The following GHR variants were observed in gnomAD, a reference collection of about 807,000 sequenced individuals.
GHR encodes the protein GH receptor.
In GHR, 35 loss-of-function variants were observed where a neutral mutation model predicts 67.1. The observed-to-expected ratio is 0.52, with a 90% CI of 0.40 to 0.69. The LOEUF (loss-of-function observed/expected upper bound fraction) is 0.69, where lower values mean the gene tolerates loss of function less well. GHR is among the 30% of genes least tolerant of loss of function. GHR has a pLI of 0.00. For missense variants in GHR, 792 were observed against 764.6 expected, an observed-to-expected ratio of 1.04 and a Z score of -0.42; for synonymous variants, 272 against 269.1, an observed-to-expected ratio of 1.01 and a Z score of -0.10.
At chr5:42,523,221 A>G (rs992103568) in intron 1 of GHR, among the ~76,000 whole-genome samples, 45 of 152,234 alleles carry the variant, frequency 3.0e-4, no homozygotes, top group African/African-American at 1.1e-3. Flanking sequence ...ATTAGAAACA[A>G]TATCTAAGGA....
At chr5:42,620,180 T>C (rs1308815560) in intron 2 of GHR, among the ~76,000 whole-genome samples, 3 of 152,180 alleles carry the variant, frequency 2.0e-5, no homozygotes, top group Admixed American at 6.5e-5. Context: ...AAAGGACACT[T>C]GTTATAGGAT....
chr5:42,572,088 C>T (rs1300660556), intron 2 of GHR, among the ~76,000 whole-genome samples: 2 of 152,198 alleles, frequency 1.3e-5, no homozygotes, highest in African/African-American at 4.8e-5. Flanking sequence ...AAGAATTTGC[C>T]ATTGATGATT....
intron 1 of GHR, among the ~76,000 whole-genome samples, chr5:42,513,148 C>A (rs1231598561): frequency 6.6e-6 from 1 of 152,126 alleles, no homozygotes; most frequent in African/African-American, 2.4e-5. Context: ...GTTGATTGAG[C>A]AAAATTTAGA....
chr5:42,662,615 G>C (rs1755709307), intron 3 of GHR, among the ~76,000 whole-genome samples: 1 of 152,092 alleles, frequency 6.6e-6, no homozygotes, highest in Non-Finnish European at 1.5e-5. Context: ...AGTGTGTAGA[G>C]GGAAATTTAT....
intron 2 of GHR, among the ~76,000 whole-genome samples, chr5:42,625,505 T>C (rs565704027): frequency 1.3e-5 from 2 of 152,188 alleles, no homozygotes; most frequent in Admixed American, 1.3e-4. Context: ...GCCTGTGACA[T>C]AGCCCTCAGG....
At chr5:42,559,389 A>G (rs1338040688) in intron 1 of GHR, among the ~76,000 whole-genome samples, 1 of 152,130 alleles carries the variant, frequency 6.6e-6, no homozygotes, top group Admixed American at 6.5e-5. Flanking sequence ...ATAAACAAAT[A>G]AATAAAAATA....
intron 2 of GHR, among the ~76,000 whole-genome samples, chr5:42,624,756 G>A (rs1580077920): frequency 6.6e-6 from 1 of 152,110 alleles, no homozygotes; most frequent in Non-Finnish European, 1.5e-5. Context: ...TTGACCAAAG[G>A]TCCTCTTTTA....
At chr5:42,584,851 G>A (rs529764502) in intron 2 of GHR, among the ~76,000 whole-genome samples, 15 of 152,008 alleles carry the variant, frequency 9.9e-5, no homozygotes, top group Middle Eastern at 3.4e-3. Flanking sequence ...TCTCTTTGAT[G>A]GTAGAAAATA....
chr5:42,702,157 C>G (rs1457149599), intron 6 of GHR, among the ~76,000 whole-genome samples: 2 of 152,066 alleles, frequency 1.3e-5, no homozygotes, highest in Non-Finnish European at 2.9e-5. Flanking sequence ...TAAACTCATT[C>G]CTACTAACTG....
At chr5:42,599,532 TG>T (rs1394438690) in intron 2 of GHR, among the ~76,000 whole-genome samples, 8 of 152,028 alleles carry the variant, frequency 5.3e-5, no homozygotes, top group South Asian at 2.1e-4. Context: ...GGCTAATTTT[TG>T]TATTTTTAGT....
intron 2 of GHR, among the ~76,000 whole-genome samples, chr5:42,615,755 CAT>C (rs1365090365): frequency 4.9e-5 from 7 of 142,834 alleles, no homozygotes; most frequent in African/African-American, 1.3e-4. Context: ...AAAAAAAAAA[CAT>C]AGAATTAATT....
chr5:42,599,991 G>A (rs573793396), intron 2 of GHR, among the ~76,000 whole-genome samples: 26 of 152,236 alleles, frequency 1.7e-4, no homozygotes, highest in African/African-American at 4.6e-4. Context: ...TCACCAAACC[G>A]TCACAAGGAA....
In GHR at chr5:42,719,554, C is replaced by G; in HGVS notation, c.*130C>G. On this transcript the variant is annotated 3_prime_UTR_variant, in exon 10 of 10. Coordinates refer to ENST00000230882, the MANE Select transcript of GHR (RefSeq NM_000163.5). Reference sequence around the variant, plus strand: ...AGGATGGGGTATGGATTCTAAAATGCCTTTTCCCAAAATGTTGAAATATGA... The same window carrying G: ...AGGATGGGGTATGGATTCTAAAATGGCTTTTCCCAAAATGTTGAAATATGA... The G allele has an allele frequency of 1.2e-6, 1 of 848,174 alleles. No individual in the cohort carries two copies. The highest frequency in any genetic ancestry group is 1.4e-5 in the South Asian group (1 of 73,808). 52.5% of individuals were successfully genotyped at this position (848,174 alleles called of 1,614,324 possible). A position where few individuals can be genotyped will look rare whatever the true frequency, so the allele number is the denominator to read the frequency against.
Position 42,594,029 on chromosome 5 carries a change from A to G in GHR, c.70+28085A>G, listed in dbSNP as rs150628074. On this transcript the variant is annotated intron_variant, in intron 2 of 9. Transcript: ENST00000230882. ...TGCAGTGCTCAAATGACTTGTTTCTATTTGAAAATCCTTGCCATTGGAGAA... is the reference window on the plus strand; with the variant it reads ...TGCAGTGCTCAAATGACTTGTTTCTGTTTGAAAATCCTTGCCATTGGAGAA... 1.8e-3 allele frequency among the ~76,000 whole-genome samples: 277 copies of G among 152,322 alleles called. 8 individuals carry two copies. Among genetic ancestry groups the G allele is most frequent in the South Asian group, 3.3e-3 (16 of 4,830 alleles).
At chr5:42,664,029 C>T (rs1440784031) in intron 3 of GHR, among the ~76,000 whole-genome samples, 1 of 152,164 alleles carries the variant, frequency 6.6e-6, no homozygotes, top group African/African-American at 2.4e-5. Flanking sequence ...AGGAATCCAA[C>T]TTACAAGGGA....
chr5:42,632,148 A>G (rs577224437), intron 3 of GHR, among the ~76,000 whole-genome samples: 1 of 152,208 alleles, frequency 6.6e-6, no homozygotes, highest in African/African-American at 2.4e-5. Context: ...CTTTCCCAAG[A>G]CCCTGAACAC....
At chr5:42,652,652 T>C (rs1204902828) in intron 3 of GHR, among the ~76,000 whole-genome samples, 1 of 152,182 alleles carries the variant, frequency 6.6e-6, no homozygotes, top group Non-Finnish European at 1.5e-5. Flanking sequence ...AGTATTTATA[T>C]TGTGTTTACC....
chr5:42,504,938 AGCCCTATTAGCC>A (rs780896534), intron 1 of GHR, among the ~76,000 whole-genome samples: 1 of 152,198 alleles, frequency 6.6e-6, no homozygotes, highest in Non-Finnish European at 1.5e-5. Context: ...GGCATCAGCT[AGCCCTATTAGCC>A]CAGGGCTAAG....
chr5:42,439,028 T>C (rs1057501263), intron 1 of GHR, among the ~76,000 whole-genome samples: 1 of 152,194 alleles, frequency 6.6e-6, no homozygotes, highest in African/African-American at 2.4e-5. Flanking sequence ...ATCACAAATT[T>C]TAAAACATTG....
Sources: gnomAD v4.1 joint callset for allele counts (sites outside exome capture counted in the v4.1 genomes callset) on GRCh38, gnomAD v4.1.1 for gene constraint, MANE v1.5 for transcripts, NCBI Gene and HGNC (gene_info 2026-07-23, HGNC 2026-07-21) for gene names.